DNAJC12: variants seen among roughly 807,000 people sequenced by gnomAD.
DNAJC12 encodes the protein dnaJ homolog subfamily C member 12.
Under a neutral mutation model 28.5 loss-of-function variants are expected in DNAJC12, and 25 were observed. The ratio of observed to expected loss-of-function variants is 0.88; its 90% confidence interval spans 0.64 to 1.22. The LOEUF (loss-of-function observed/expected upper bound fraction) is 1.22, where lower values mean the gene tolerates loss of function less well. Among genes scored for constraint, DNAJC12 ranks in the 50% most tolerant of loss-of-function variants. DNAJC12 has a pLI of 0.00. For synonymous variants in DNAJC12, 77 were observed against 80.6 expected (o/e 0.95, Z 0.24); for missense variants, 222 against 231.7 (o/e 0.96, Z 0.27).
intron 1 of DNAJC12, among the ~76,000 whole-genome samples, chr10:67,828,341 A>G (rs191158906): frequency 2.0e-5 from 3 of 152,238 alleles, no homozygotes; most frequent in East Asian, 1.9e-4. Flanking sequence ...CTATCTCTCT[A>G]TATGTAGATC....
At chr10:67,801,717 G>T (rs1841746283) in intron 4 of DNAJC12, among the ~76,000 whole-genome samples, 1 of 150,714 alleles carries the variant, frequency 6.6e-6, no homozygotes, top group African/African-American at 2.4e-5. Flanking sequence ...TTGAACCCAG[G>T]AGGTGGAGGT....
intron 1 of DNAJC12, among the ~76,000 whole-genome samples, chr10:67,834,836 T>A (rs544701759): frequency 1.9e-4 from 29 of 151,070 alleles, no homozygotes; most frequent in East Asian, 3.9e-4. Context: ...AACAAAAATT[T>A]AAAAAAAAAA....
chr10:67,830,562 C>A (rs1246946504), intron 1 of DNAJC12, among the ~76,000 whole-genome samples: 2 of 151,134 alleles, frequency 1.3e-5, no homozygotes, highest in Non-Finnish European at 1.5e-5. Flanking sequence ...GAGCTGAGAT[C>A]CCGCCACTGC....
At chr10:67,836,580 C>T (rs1842144474) in intron 1 of DNAJC12, among the ~76,000 whole-genome samples, 1 of 151,940 alleles carries the variant, frequency 6.6e-6, no homozygotes, top group African/African-American at 2.4e-5. Context: ...TGGTAATAAG[C>T]TTTCTCAATT....
chr10:67,802,833 T>TTGTGCGTGTGTGTGTG (rs1335428646), intron 4 of DNAJC12, among the ~76,000 whole-genome samples: 12 of 141,350 alleles, frequency 8.5e-5, no homozygotes, highest in Non-Finnish European at 1.3e-4. Context: ...TATTAAGTTA[T>TTGTGCGTGTGTGTGTG]TGTGCGTGTG....
intron 3 of DNAJC12, among the ~76,000 whole-genome samples, chr10:67,806,438 A>G (rs889252833): frequency 2.0e-5 from 3 of 152,214 alleles, no homozygotes; most frequent in Non-Finnish European, 4.4e-5. Flanking sequence ...AAATATAACC[A>G]GTCCAAAGGC....
At chr10:67,819,761 A>AGGGGGG (rs1447793271) in intron 2 of DNAJC12, among the ~76,000 whole-genome samples, 1 of 16,092 alleles carries the variant, frequency 6.2e-5, no homozygotes. Flanking sequence ...GAAGGAAGGA[A>AGGGGGG]GGAAGGAAGG....
intron 2 of DNAJC12, chr10:67,816,282 T>C (rs1446939146): frequency 7.7e-6 from 3 of 389,370 alleles, no homozygotes; most frequent in African/African-American, 6.2e-5. Context: ...GAAGAAAATA[T>C]ACCAACTGTT....
chr10:67,803,809 A>G (rs77248605), intron 4 of DNAJC12, among the ~76,000 whole-genome samples: 3,453 of 152,330 alleles, frequency 0.023, 137 homozygotes, highest in African/African-American at 0.079. Context: ...TCTACACTTC[A>G]GGCTTCTCCT....
chr10:67,815,764 T>C (rs941198792), intron 2 of DNAJC12, among the ~76,000 whole-genome samples: 16 of 152,310 alleles, frequency 1.1e-4, no homozygotes, highest in Admixed American at 7.9e-4. Flanking sequence ...TGTAAAGATT[T>C]ATGTATTTAT....
At chr10:67,799,568 T>C (rs1475790350) in intron 4 of DNAJC12, among the ~76,000 whole-genome samples, 2 of 152,204 alleles carry the variant, frequency 1.3e-5, no homozygotes, top group African/African-American at 4.8e-5. Context: ...ATATAGTAAG[T>C]AAGTGTCATT....
At chr10:67,836,486 T>G (rs1019204726) in intron 1 of DNAJC12, among the ~76,000 whole-genome samples, 1 of 152,180 alleles carries the variant, frequency 6.6e-6, no homozygotes, top group Non-Finnish European at 1.5e-5. Context: ...TCAAGTTAAA[T>G]TATATTCCTT....
At chr10:67,829,593 A>T in intron 1 of DNAJC12, among the ~76,000 whole-genome samples, 1 of 152,204 alleles carries the variant, frequency 6.6e-6, no homozygotes, top group East Asian at 1.9e-4. Context: ...GTGAGCCGAG[A>T]TTGCGCCACT....
At chr10:67,823,515 A>G in intron 1 of DNAJC12, 123 bp from the exon 2 acceptor site, 2 of 702,066 alleles carry the variant, frequency 2.8e-6, no homozygotes, top group South Asian at 1.7e-5. Context: ...AGCCTGGACA[A>G]CAAAGCAAGA....
chr10:67,806,257 C>T (rs1419092918), intron 3 of DNAJC12, among the ~76,000 whole-genome samples: 1 of 152,202 alleles, frequency 6.6e-6, no homozygotes, highest in Non-Finnish European at 1.5e-5. Context: ...AACAGTGACA[C>T]ACTACCTCTA....
chr10:67,819,551 A>G (rs1156432483), intron 2 of DNAJC12, among the ~76,000 whole-genome samples: 1 of 151,376 alleles, frequency 6.6e-6, no homozygotes, highest in East Asian at 1.9e-4. Context: ...AGGCACGAGA[A>G]TTGTTTGAAC....
chr10:67,826,120 TGAA>T (rs1842026593), intron 1 of DNAJC12, among the ~76,000 whole-genome samples: 1 of 146,450 alleles, frequency 6.8e-6, no homozygotes, highest in South Asian at 2.1e-4. Flanking sequence ...ATTATATCCT[TGAA>T]GACATATCTT....
intron 1 of DNAJC12, among the ~76,000 whole-genome samples, chr10:67,835,252 A>G (rs1842131043): frequency 6.6e-6 from 1 of 152,248 alleles, no homozygotes; most frequent in South Asian, 2.1e-4. Flanking sequence ...GCTTTCGGGC[A>G]TGATGAGTTC....
At chr10:67,824,575 G>T (rs1325514683) in intron 1 of DNAJC12, among the ~76,000 whole-genome samples, 1 of 151,934 alleles carries the variant, frequency 6.6e-6, no homozygotes, top group Non-Finnish European at 1.5e-5. Flanking sequence ...AGGCATCAAT[G>T]ATTTGATTTG....
Sources: allele counts gnomAD v4.1 joint callset (sites outside exome capture counted in the v4.1 genomes callset), GRCh38; gene constraint gnomAD v4.1.1; transcripts MANE v1.5; gene names NCBI Gene and HGNC (gene_info 2026-07-23, HGNC 2026-07-21).